Variants in MALRD1 observed in about 807,000 individuals in gnomAD.
The protein encoded by MALRD1 is MAM and LDL-receptor class A domain-containing protein 1.
MALRD1 carries 247 observed loss-of-function variants against 242.1 expected under a neutral mutation model. That is an observed-to-expected ratio of 1.02 (90% CI 0.92 to 1.13). The LOEUF (loss-of-function observed/expected upper bound fraction) is 1.13, where lower values mean the gene tolerates loss of function less well. Among genes scored for constraint, MALRD1 ranks in the 50% most tolerant of loss-of-function variants. The probability of loss-of-function intolerance (pLI) is 0.00; values close to 1 mark genes in which losing one functional copy is unlikely to be tolerated. For missense variants in MALRD1, 2,989 were observed against 2,533.1 expected (o/e 1.18, Z -3.86); for synonymous variants, 995 against 866.6 (o/e 1.15, Z -2.60).
intron 18 of MALRD1, among the ~76,000 whole-genome samples, chr10:19,232,178 G>T (rs531567280): frequency 2.0e-5 from 3 of 151,986 alleles, no homozygotes; most frequent in African/African-American, 7.2e-5. Context: ...AAGATTTTCA[G>T]TGTGACTCTA....
At chr10:19,652,635 C>T (rs1374993046) in intron 36 of MALRD1, among the ~76,000 whole-genome samples, 1 of 152,152 alleles carries the variant, frequency 6.6e-6, no homozygotes, top group Non-Finnish European at 1.5e-5. Flanking sequence ...GGTGATTAAA[C>T]TGGCTGGGTG....
chr10:19,447,263 C>G (rs1027817704), intron 28 of MALRD1, among the ~76,000 whole-genome samples: 2 of 152,074 alleles, frequency 1.3e-5, no homozygotes, highest in African/African-American at 4.8e-5. Flanking sequence ...AGAAAGTTTG[C>G]TGAATAAAGG....
intron 12 of MALRD1, among the ~76,000 whole-genome samples, chr10:19,165,117 T>C (rs2131502987): frequency 6.6e-6 from 1 of 151,488 alleles, no homozygotes; most frequent in East Asian, 1.9e-4. Flanking sequence ...CTCTCATATT[T>C]GTAAGAAGCC....
chr10:19,088,548 T>A (rs1372116817), intron 4 of MALRD1, among the ~76,000 whole-genome samples: 6 of 140,690 alleles, frequency 4.3e-5, no homozygotes, highest in African/African-American at 1.3e-4. Context: ...TTTTTTTTTT[T>A]TTTTATTTTA....
chr10:19,627,991 CAA>C (rs1375668282), intron 36 of MALRD1, among the ~76,000 whole-genome samples: 12 of 151,892 alleles, frequency 7.9e-5, no homozygotes, highest in African/African-American at 2.9e-4. Flanking sequence ...ATAAACTAGA[CAA>C]ACATTATTTA....
chr10:19,556,053 C>G (rs575084924), intron 32 of MALRD1, among the ~76,000 whole-genome samples: 17 of 152,138 alleles, frequency 1.1e-4, no homozygotes, highest in Admixed American at 3.3e-4. Context: ...AAGGAAAATT[C>G]TCTCACCAGC....
intron 2 of MALRD1, among the ~76,000 whole-genome samples, chr10:19,076,370 T>TA (rs1835318433): frequency 6.6e-6 from 1 of 152,000 alleles, no homozygotes; most frequent in Non-Finnish European, 1.5e-5. Context: ...TTTTAGGTGT[T>TA]ACATTTAAGA....
intron 25 of MALRD1, among the ~76,000 whole-genome samples, chr10:19,349,086 T>A (rs11009556): frequency 0.14 from 21,715 of 152,012 alleles, 1,567 homozygotes; most frequent in South Asian, 0.16. Flanking sequence ...CTCAGATGCC[T>A]AAGGAGCTGG....
chr10:19,501,147 G>A (rs1466438658), intron 31 of MALRD1, among the ~76,000 whole-genome samples: 1 of 152,106 alleles, frequency 6.6e-6, no homozygotes, highest in African/African-American at 2.4e-5. Flanking sequence ...GAGCTGTGAG[G>A]AAGTGACCTG....
chr10:19,651,744 G>A (rs1840903729), intron 36 of MALRD1, among the ~76,000 whole-genome samples: 1 of 152,178 alleles, frequency 6.6e-6, no homozygotes, highest in East Asian at 1.9e-4. Flanking sequence ...AGACATGTAA[G>A]CACTGTAGAA....
intron 17 of MALRD1, among the ~76,000 whole-genome samples, chr10:19,208,663 T>C (rs753236684): frequency 1.3e-5 from 2 of 152,178 alleles, no homozygotes; most frequent in Non-Finnish European, 1.5e-5. Flanking sequence ...TCACCCTATA[T>C]CTAATAAGCT....
intron 26 of MALRD1, among the ~76,000 whole-genome samples, chr10:19,377,175 T>C (rs1435498765): frequency 6.6e-6 from 1 of 152,172 alleles, no homozygotes; most frequent in African/African-American, 2.4e-5. Context: ...ATTCCATTGC[T>C]AGATAATTTG....
At chr10:19,723,824 T>C (rs868521851) in intron 38 of MALRD1, among the ~76,000 whole-genome samples, 1 of 152,072 alleles carries the variant, frequency 6.6e-6, no homozygotes, top group African/African-American at 2.4e-5. Context: ...AATATGAACA[T>C]GTTGCAAGAG....
intron 38 of MALRD1, among the ~76,000 whole-genome samples, chr10:19,714,240 G>T (rs1834273766): frequency 6.6e-6 from 1 of 152,148 alleles, no homozygotes; most frequent in African/African-American, 2.4e-5. Context: ...TTGAGTGGTG[G>T]TAGCTCTCAG....
chr10:19,405,959 C>T (rs1030275354), intron 28 of MALRD1, among the ~76,000 whole-genome samples: 10 of 151,942 alleles, frequency 6.6e-5, no homozygotes, highest in Admixed American at 4.6e-4. Flanking sequence ...ACAGTGGGCT[C>T]CTAGATGTGA....
chr10:19,448,024 G>T lies in MALRD1; in HGVS notation c.4846-2283G>T, dbSNP rs554060699. 3.9e-5 allele frequency among the ~76,000 whole-genome samples: 6 copies of T among 152,234 alleles called. No homozygotes were observed. In the South Asian group the frequency reaches 1.2e-3, roughly 32 times the overall value. On this transcript the variant is annotated intron_variant, in intron 28 of 39. Transcript: ENST00000454679. The stretch of plus-strand genomic sequence containing the variant: ...TTAATTTTAGATTAACTGATGCATA[G>T]TTGTGCTCTCGGTAACCATGGAGAG...
intron 36 of MALRD1, among the ~76,000 whole-genome samples, chr10:19,641,715 G>C (rs1315140937): frequency 2.0e-5 from 3 of 152,116 alleles, no homozygotes; most frequent in Admixed American, 1.3e-4. Flanking sequence ...ATGTGAGCTT[G>C]CCTCTCCCTT....
At chr10:19,388,894 A>G (rs965399252) in intron 27 of MALRD1, among the ~76,000 whole-genome samples, 4 of 151,406 alleles carry the variant, frequency 2.6e-5, no homozygotes, top group Non-Finnish European at 4.4e-5. Flanking sequence ...AAAAAAAAAA[A>G]AAAAAGAAAA....
At chr10:19,299,064 C>T (rs2496050) in intron 21 of MALRD1, among the ~76,000 whole-genome samples, 19,117 of 151,208 alleles carry the variant, frequency 0.13, 1,424 homozygotes, top group South Asian at 0.28. Flanking sequence ...TGTCTACAAC[C>T]GGAAGGAAAA....
Sources: allele counts gnomAD v4.1 joint callset (sites outside exome capture counted in the v4.1 genomes callset), GRCh38; gene constraint gnomAD v4.1.1; transcripts MANE v1.5; gene names NCBI Gene and HGNC (gene_info 2026-07-23, HGNC 2026-07-21).